TCF12: variants seen among roughly 807,000 people sequenced by gnomAD.
The protein encoded by TCF12 is DNA-binding protein HTF4.
TCF12 carries 45 observed loss-of-function variants against 86.0 expected under a neutral mutation model. That is an observed-to-expected ratio of 0.52 (90% CI 0.41 to 0.67). The LOEUF (loss-of-function observed/expected upper bound fraction) is 0.67, where lower values mean the gene tolerates loss of function less well. Among genes scored for constraint, TCF12 ranks in the 30% least tolerant of loss-of-function variants. The pLI is 0.00. For missense variants in TCF12, 881 were observed against 859.9 expected (o/e 1.02, Z -0.31); for synonymous variants, 330 against 299.6 (o/e 1.10, Z -1.05).
In TCF12 at chr15:57,043,726, A is replaced by G. The variant is rs80144861; in HGVS notation, c.149-20024A>G. ...GTCTTTGTGATTGTGTTTGAATTCTATGAAGTGTTAGGCTAGTAGTTTTGT... is the reference window on the plus strand; with the variant it reads ...GTCTTTGTGATTGTGTTTGAATTCTGTGAAGTGTTAGGCTAGTAGTTTTGT... On this transcript the variant is annotated intron_variant, in intron 3 of 20. Transcript: ENST00000333725. 8.9e-3 allele frequency among the ~76,000 whole-genome samples: 1,355 copies of G among 152,326 alleles called. 70 individuals are homozygous for G. The East Asian group carries it at 0.15, about 17-fold the overall frequency.
intron 3 of TCF12, among the ~76,000 whole-genome samples, chr15:57,049,736 C>T (rs1194446159): frequency 6.6e-6 from 1 of 152,158 alleles, no homozygotes; most frequent in African/African-American, 2.4e-5. Context: ...ATTTCTAGGT[C>T]AGAGTTGAGA....
chr15:57,086,212 GATAATAATA>G (rs60173159), intron 4 of TCF12, among the ~76,000 whole-genome samples: 5 of 141,622 alleles, frequency 3.5e-5, no homozygotes, highest in East Asian at 4.0e-4. Context: ...GGATGATGAT[GATAATAATA>G]ATAATAATAA....
chr15:57,043,775 TTTAAG>T (rs1218104223), intron 3 of TCF12, among the ~76,000 whole-genome samples: 2 of 152,228 alleles, frequency 1.3e-5, no homozygotes, highest in Non-Finnish European at 2.9e-5. Flanking sequence ...TTGTTTTTGG[TTTAAG>T]TTATTTCTTC....
intron 5 of TCF12, among the ~76,000 whole-genome samples, chr15:57,157,348 T>C (rs1173878599): frequency 6.6e-6 from 1 of 151,760 alleles, no homozygotes; most frequent in East Asian, 1.9e-4. Context: ...TGAAAATGTC[T>C]TTATTTCTAA....
At chr15:57,058,462 A>G (rs1488469130) in intron 3 of TCF12, among the ~76,000 whole-genome samples, 1 of 152,208 alleles carries the variant, frequency 6.6e-6, no homozygotes, top group Non-Finnish European at 1.5e-5. Flanking sequence ...CTTTAATGGA[A>G]CATCTGTACT....
At chr15:57,172,608 T>A (rs1179696363) in intron 6 of TCF12, among the ~76,000 whole-genome samples, 1 of 152,034 alleles carries the variant, frequency 6.6e-6, no homozygotes, top group East Asian at 1.9e-4. Context: ...AAGGCACCTG[T>A]AGACACGGGG....
chr15:57,223,661 T>TTTTTTTTTTTTTTTTTTA (rs1265091469), intron 8 of TCF12, among the ~76,000 whole-genome samples: 1 of 142,516 alleles, frequency 7.0e-6, no homozygotes, highest in Non-Finnish European at 1.6e-5. Context: ...TTTTTTTTTT[T>TTTTTTTTTTTTTTTTTTA]TTTTTTTTTT....
At chr15:57,077,789 TA>T (rs2070259780) in intron 4 of TCF12, among the ~76,000 whole-genome samples, 1 of 152,180 alleles carries the variant, frequency 6.6e-6, no homozygotes. Flanking sequence ...AAGAATTTGT[TA>T]TGCTAATCCT....
At chr15:57,165,291 A>G (rs1005066767) in intron 5 of TCF12, among the ~76,000 whole-genome samples, 1 of 152,180 alleles carries the variant, frequency 6.6e-6, no homozygotes, top group East Asian at 1.9e-4. Flanking sequence ...TATAGCAGTA[A>G]AGATGCTCAA....
intron 3 of TCF12, among the ~76,000 whole-genome samples, chr15:56,974,863 T>C (rs2140803023): frequency 6.6e-6 from 1 of 152,250 alleles, no homozygotes; most frequent in South Asian, 2.1e-4. Flanking sequence ...TATCATTGGT[T>C]AAATTTGTGT....
At chr15:57,069,353 T>A (rs1203859443) in intron 4 of TCF12, among the ~76,000 whole-genome samples, 2 of 152,170 alleles carry the variant, frequency 1.3e-5, no homozygotes, top group African/African-American at 2.4e-5. Flanking sequence ...GTTATTTTTT[T>A]AAAAAAGAAG....
chr15:56,944,799 CTG>C (rs1474936814), intron 3 of TCF12, among the ~76,000 whole-genome samples: 3 of 152,054 alleles, frequency 2.0e-5, no homozygotes, highest in Non-Finnish European at 2.9e-5. Context: ...ATGATACAGA[CTG>C]TGTAAAAAAT....
In TCF12 at chr15:57,259,032, AC is replaced by A. The variant is rs1284487091; in HGVS notation, c.1468-3060del. Among the ~76,000 whole-genome samples the A allele has an allele frequency of 2.0e-5, 3 of 152,230 alleles. No homozygotes were observed. The East Asian group carries it at 5.8e-4, about 29-fold the overall frequency. On this transcript the variant is annotated intron_variant, in intron 16 of 20. Coordinates refer to ENST00000333725, the MANE Select transcript of TCF12 (RefSeq NM_207037.2). The stretch of plus-strand genomic sequence containing the variant: ...ACTGAATAGAAAGATTTTACTTTTA[AC>A]CACTTTTTTGCTTTCTGCAAGTAAT...
At chr15:57,247,015 T>G (rs1232335859) in intron 13 of TCF12, 2 of 545,324 alleles carry the variant, frequency 3.7e-6, no homozygotes, top group African/African-American at 3.8e-5. Context: ...ATGCCTGAGC[T>G]TCTTCCACCA....
Position 57,191,915 on chromosome 15 carries a change from A to G in TCF12, c.391-243A>G, listed in dbSNP as rs190870888. ...TACCACTACACTCCAGCCTGGGCAA[A>G]TAAGTGAGACTCCATCTCAGAAAAA... On this transcript the variant is annotated intron_variant, in intron 6 of 20. Transcript: ENST00000333725. Among the ~76,000 whole-genome samples, 3 of 151,882 alleles carry G rather than the reference A, an allele frequency of 2.0e-5. No individual in the cohort carries two copies. The South Asian group carries it at 6.2e-4, about 32-fold the overall frequency.
chr15:57,224,566 G>T (rs1193073816), intron 8 of TCF12, among the ~76,000 whole-genome samples: 34 of 152,056 alleles, frequency 2.2e-4, no homozygotes, highest in African/African-American at 8.2e-4. Context: ...AAGAGCAGCA[G>T]TTGGTTTTAA....
At chr15:57,127,842 G>A (rs1278255667) in intron 5 of TCF12, among the ~76,000 whole-genome samples, 3 of 151,984 alleles carry the variant, frequency 2.0e-5, no homozygotes, top group Non-Finnish European at 2.9e-5. Context: ...TAGAATTCTC[G>A]GGCGAGCCAT....
chr15:57,068,084 T>A (rs1397700126), intron 4 of TCF12, among the ~76,000 whole-genome samples: 1 of 152,222 alleles, frequency 6.6e-6, no homozygotes, highest in Non-Finnish European at 1.5e-5. Flanking sequence ...GAGGGCAGAC[T>A]GTGAAATCAT....
intron 5 of TCF12, among the ~76,000 whole-genome samples, chr15:57,153,890 T>G (rs1398937175): frequency 6.6e-6 from 1 of 151,752 alleles, no homozygotes; most frequent in Non-Finnish European, 1.5e-5. Flanking sequence ...CTTAGCTACT[T>G]GGGCAGCTGA....
Sources: gnomAD v4.1 joint callset for allele counts (sites outside exome capture counted in the v4.1 genomes callset) on GRCh38, gnomAD v4.1.1 for gene constraint, MANE v1.5 for transcripts, NCBI Gene and HGNC (gene_info 2026-07-23, HGNC 2026-07-21) for gene names.